Variants in LYRM4 observed in about 807,000 individuals in gnomAD.
LYRM4 encodes the protein LYR motif containing 4.
Under a neutral mutation model 11.7 loss-of-function variants are expected in LYRM4, and 9 were observed. That is an observed-to-expected ratio of 0.77 (90% CI 0.46 to 1.34). The LOEUF is 1.34. Among genes scored for constraint, LYRM4 ranks in the 40% most tolerant of loss-of-function variants. The pLI is 0.00. For missense variants in LYRM4, 133 were observed against 112.5 expected, an observed-to-expected ratio of 1.18 and a Z score of -0.82; for synonymous variants, 42 against 40.4, an observed-to-expected ratio of 1.04 and a Z score of -0.15.
chr6:5,157,323 G>A (rs1310877112), intron 2 of LYRM4, among the ~76,000 whole-genome samples: 2 of 152,166 alleles, frequency 1.3e-5, no homozygotes, highest in Non-Finnish European at 2.9e-5. Flanking sequence ...TTAGGTATCT[G>A]TGACGGACTA....
chr6:5,059,808 T>TG, the LYRM4 span, among the ~76,000 whole-genome samples: 262 of 152,204 alleles, frequency 1.7e-3, 1 homozygote, highest in African/African-American at 6.1e-3. Context: ...TGCCTTTTTT[T>TG]TTTTTTTAAG....
chr6:5,256,490 G>GAAAAAAA (rs777995486), intron 1 of LYRM4, among the ~76,000 whole-genome samples: 630 of 37,522 alleles, frequency 0.017, 215 homozygotes, highest in Middle Eastern at 0.038. Context: ...GATTTCAACT[G>GAAAAAAA]GAAAAAAAAA....
chr6:5,192,909 C>T (rs1294753114), intron 2 of LYRM4, among the ~76,000 whole-genome samples: 1 of 152,124 alleles, frequency 6.6e-6, no homozygotes, highest in African/African-American at 2.4e-5. Flanking sequence ...GCCTGTAATC[C>T]CAGCTACTCG....
intron 2 of LYRM4, among the ~76,000 whole-genome samples, chr6:5,155,193 T>C (rs1181573949): frequency 1.3e-5 from 2 of 152,214 alleles, no homozygotes; most frequent in Admixed American, 1.3e-4. Context: ...GCAATTCTAC[T>C]GCTTCAGCCT....
the LYRM4 span, chr6:5,088,224 A>C: frequency 1.3e-5 from 2 of 152,352 alleles, no homozygotes; most frequent in Non-Finnish European, 2.9e-5. Flanking sequence ...CCTCCAGAGT[A>C]GTTGGGAGTA....
chr6:5,205,822 A>G (rs1179174241), intron 2 of LYRM4, among the ~76,000 whole-genome samples: 1 of 152,170 alleles, frequency 6.6e-6, no homozygotes, highest in Non-Finnish European at 1.5e-5. Context: ...CGTAAATGAG[A>G]TATCTATAAC....
At chr6:5,225,123 C>T (rs1762802622) in intron 1 of LYRM4, among the ~76,000 whole-genome samples, 1 of 151,878 alleles carries the variant, frequency 6.6e-6, no homozygotes, top group South Asian at 2.1e-4. Context: ...TGGTGGGCGC[C>T]TGTAGTCCCA....
chr6:5,088,844 A>C, the LYRM4 span: 1 of 152,250 alleles, frequency 6.6e-6, no homozygotes, highest in Non-Finnish European at 1.5e-5. Flanking sequence ...AGGCAGGGGA[A>C]TCTACCTGTT....
At chr6:5,144,053 T>C in intron 2 of LYRM4, 4 of 1,444,674 alleles carry the variant, frequency 2.8e-6, no homozygotes, top group Non-Finnish European at 3.7e-6. Context: ...CCTCCCTGAA[T>C]AGCTGCTTCA....
At chr6:5,245,866 A>G (rs1445290965) in intron 1 of LYRM4, among the ~76,000 whole-genome samples, 1 of 152,248 alleles carries the variant, frequency 6.6e-6, no homozygotes, top group Admixed American at 6.5e-5. Flanking sequence ...GGAGCAGAGC[A>G]TTTAAGAAGC....
intron 1 of LYRM4, among the ~76,000 whole-genome samples, chr6:5,223,047 C>T (rs139693312): frequency 7.2e-5 from 11 of 152,218 alleles, no homozygotes; most frequent in African/African-American, 2.6e-4. Context: ...GAAGACTCAT[C>T]GTTGAAATTT....
intron 2 of LYRM4, among the ~76,000 whole-genome samples, chr6:5,214,786 C>G (rs1762177834): frequency 6.6e-6 from 1 of 152,228 alleles, no homozygotes; most frequent in Non-Finnish European, 1.5e-5. Context: ...AGAGTCTTGA[C>G]ATGAAAGGGA....
chr6:5,057,310 G>A, the LYRM4 span, among the ~76,000 whole-genome samples: 2 of 152,216 alleles, frequency 1.3e-5, no homozygotes, highest in South Asian at 2.1e-4. Flanking sequence ...GGAGCTCAAG[G>A]CCTTCCCAAT....
intron 2 of LYRM4, among the ~76,000 whole-genome samples, chr6:5,168,962 A>C (rs1759255662): frequency 6.6e-6 from 1 of 152,202 alleles, no homozygotes; most frequent in Non-Finnish European, 1.5e-5. Flanking sequence ...CAAATGTGGC[A>C]AACAGTAACA....
downstream of LYRM4, among the ~76,000 whole-genome samples, chr6:5,099,409 C>CTATT (rs1337776718): frequency 6.6e-6 from 1 of 151,502 alleles, no homozygotes; most frequent in Non-Finnish European, 1.5e-5. This position sits in a 1 kb window ranked among gnomAD's most constrained non-coding sequence, Gnocchi z 4.3. Flanking sequence ...ATCTATCTAT[C>CTATT]TATCTATCTA....
the LYRM4 span, among the ~76,000 whole-genome samples, chr6:5,081,937 G>T: frequency 2.6e-5 from 4 of 152,146 alleles, no homozygotes; most frequent in Non-Finnish European, 5.9e-5. Flanking sequence ...AGGCTGGTGG[G>T]GCTTCTGGGT....
the LYRM4 span, among the ~76,000 whole-genome samples, chr6:5,049,403 A>G: frequency 6.6e-6 from 1 of 152,306 alleles, no homozygotes; most frequent in African/African-American, 2.4e-5. Context: ...TAGTCATGAC[A>G]TACTGTCCTT....
chr6:5,077,069 C>T, the LYRM4 span, among the ~76,000 whole-genome samples: 12 of 152,280 alleles, frequency 7.9e-5, no homozygotes, highest in East Asian at 1.9e-4. Context: ...CGTCCTAGGC[C>T]GGGGTGCTGC....
chr6:5,151,087 T>C (rs1561832394), intron 2 of LYRM4, among the ~76,000 whole-genome samples: 1 of 22,224 alleles, frequency 4.5e-5, no homozygotes. Context: ...GTTTTGAATT[T>C]TTTTTTTTTT....
Sources: gnomAD v4.1 joint callset for allele counts (sites outside exome capture counted in the v4.1 genomes callset) on GRCh38, gnomAD v4.1.1 for gene constraint, Gnocchi (gnomAD v3.1) non-coding constraint, MANE v1.5 for transcripts, NCBI Gene and HGNC (gene_info 2026-07-23, HGNC 2026-07-21) for gene names.